NOS1: variants seen among roughly 807,000 people sequenced by gnomAD.
The protein encoded by NOS1 is nitric oxide synthase 1.
In NOS1, 51 loss-of-function variants were observed where a neutral mutation model predicts 164.5. The observed-to-expected ratio is 0.31, with a 90% CI of 0.25 to 0.39. NOS1 has a LOEUF of 0.39. Ranked by LOEUF, NOS1 falls within the 10% of genes least tolerant of loss-of-function variation. NOS1 has a pLI of 1.00. For synonymous variants in NOS1, 719 were observed against 745.8 expected (o/e 0.96, Z 0.59); for missense variants, 1,362 against 1,885.6 (o/e 0.72, Z 5.14).
chr12:117,274,534 C>T (rs759989830), intron 9 of NOS1, among the ~76,000 whole-genome samples: 26 of 151,904 alleles, frequency 1.7e-4, no homozygotes, highest in Non-Finnish European at 2.6e-4. Flanking sequence ...TTTAGGAGGC[C>T]GAGGCAGGTG....
In NOS1 at chr12:117,210,369, G is replaced by C; in HGVS notation, c.*4940C>G. The C allele has an allele frequency of 1.0e-6, 1 of 985,338 alleles. No homozygotes were observed. The highest frequency in any genetic ancestry group is 1.2e-6 in the Non-Finnish European group (1 of 829,926). 61.0% of individuals were successfully genotyped at this position (985,338 alleles called of 1,614,324 possible). On this transcript the variant is annotated 3_prime_UTR_variant, in exon 29 of 29. Transcript: ENST00000317775. ...ATGAATGGGTTATAAAGGAAGACTAGTTAGTGTTTCTCTCTCCTTGTTGCT... is the reference window on the plus strand; with the variant it reads ...ATGAATGGGTTATAAAGGAAGACTACTTAGTGTTTCTCTCTCCTTGTTGCT...
Position 117,330,889 on chromosome 12 carries a change from C to T in NOS1, c.181G>A (p.Gly61Arg). Residue 61 changes from glycine to arginine, a missense_variant, in exon 2 of 29, where the codon GGA becomes AGA. Around this residue, in one of 4 missense-constraint regions of NOS1, gnomAD observed 362 missense variants for 402.0 expected, o/e 0.90. Transcript: ENST00000317775. This position sits in a 1 kb window ranked among gnomAD's most constrained non-coding sequence, Gnocchi z 4.6. ...AAEQSGLIQA[G>R]DIILAVNGRP... ...CCGTTGACCGCAAGAATGATGTCTC[C>T]GGCCTGGATGAGGCCACTCTGCTCT... 5 of 1,614,134 alleles carry T rather than the reference C, an allele frequency of 3.1e-6. No homozygotes were observed. The highest frequency in any genetic ancestry group is 4.2e-6 in the Non-Finnish European group (5 of 1,180,008).
At chr12:117,339,989 A>T (rs1876021222) in intron 1 of NOS1, among the ~76,000 whole-genome samples, 1 of 152,154 alleles carries the variant, frequency 6.6e-6, no homozygotes, top group Non-Finnish European at 1.5e-5. Context: ...ATATTCCTTC[A>T]TATTAGATTG....
At chr12:117,291,994 A>C (rs1278568289) in intron 3 of NOS1, among the ~76,000 whole-genome samples, 1 of 152,208 alleles carries the variant, frequency 6.6e-6, no homozygotes, top group Non-Finnish European at 1.5e-5. Flanking sequence ...GGAGAAGATG[A>C]GCCAATGTTA....
At chr12:117,220,036 T>G (rs1328331147) in intron 27 of NOS1, 39 bp downstream of exon 27, 1 of 1,560,824 alleles carries the variant, frequency 6.4e-7, no homozygotes, top group Admixed American at 1.8e-5. Flanking sequence ...GGAGAGTGGA[T>G]GTAGGAAAAG....
chr12:117,268,589 A>T (rs1190780056), intron 10 of NOS1, among the ~76,000 whole-genome samples: 2 of 123,206 alleles, frequency 1.6e-5, no homozygotes, highest in South Asian at 2.6e-4. Flanking sequence ...CACTCATTCA[A>T]TTTTTTTTTT....
chr12:117,340,030 G>A (rs1157506323), intron 1 of NOS1, among the ~76,000 whole-genome samples: 1 of 151,968 alleles, frequency 6.6e-6, no homozygotes, highest in East Asian at 1.9e-4. Flanking sequence ...TTTGAGACAG[G>A]GTCTCGCTTT....
At chr12:117,239,320 C>A (rs1301729510) in intron 20 of NOS1, among the ~76,000 whole-genome samples, 2 of 152,220 alleles carry the variant, frequency 1.3e-5, no homozygotes, top group African/African-American at 4.8e-5. Context: ...TCCTGCCTTT[C>A]TAAAGCCCAC....
rs56322341 is a variant in NOS1, at chr12:117,340,873, A to ATTTTTTTTTTTTTTTTTT, written c.-420-9402_-420-9385dup. Among the ~76,000 whole-genome samples the ATTTTTTTTTTTTTTTTTT allele has an allele frequency of 6.7e-5, 7 of 104,478 alleles. 1 individual carries two copies. The highest frequency in any genetic ancestry group is 4.0e-5 in the African/African-American group (1 of 25,118). The allele number at this position is 104,478 out of a possible 152,430, so 68.5% of individuals were successfully genotyped here. A position where few individuals can be genotyped will look rare whatever the true frequency, so the allele number is the denominator to read the frequency against. On this transcript the variant is annotated intron_variant, in intron 1 of 28. Transcript: ENST00000317775. ...TGAGTAGCTGATATCACACCTGGCT[A>ATTTTTTTTTTTTTTTTTT]TTTTTTTTTTTTTTTTTTTTTTTGT...
intron 1 of NOS1, among the ~76,000 whole-genome samples, chr12:117,340,747 C>G (rs756026337): frequency 6.6e-6 from 1 of 150,896 alleles, no homozygotes; most frequent in Non-Finnish European, 1.5e-5. Context: ...TTTTTTGAGA[C>G]GTAATCTTGC....
intron 2 of NOS1, among the ~76,000 whole-genome samples, chr12:117,326,093 A>G (rs959438751): frequency 1.3e-5 from 2 of 152,162 alleles, no homozygotes; most frequent in Non-Finnish European, 2.9e-5. Flanking sequence ...GTGTTAAGAA[A>G]TGGGGGTGCT....
intron 28 of NOS1, among the ~76,000 whole-genome samples, chr12:117,217,317 G>A (rs756920136): frequency 1.3e-5 from 2 of 152,136 alleles, no homozygotes; most frequent in Admixed American, 1.3e-4. Context: ...AATGAGCAGC[G>A]TTCAAACACT....
chr12:117,342,845 G>C (rs748164535), intron 1 of NOS1, among the ~76,000 whole-genome samples: 8 of 152,100 alleles, frequency 5.3e-5, no homozygotes, highest in Non-Finnish European at 1.2e-4. Context: ...TTAAGGATCA[G>C]GTGGTGAAAG....
chr12:117,346,123 C>T (rs916820319), intron 1 of NOS1, among the ~76,000 whole-genome samples: 2 of 152,202 alleles, frequency 1.3e-5, no homozygotes, highest in African/African-American at 4.8e-5. Flanking sequence ...GAGGTGATGG[C>T]ATGGCCCATT....
rs774109441 is a variant in NOS1, at chr12:117,226,670, A to G, written c.3704+13T>C. 1 of 1,612,418 alleles carries G rather than the reference A, an allele frequency of 6.2e-7. No homozygotes were observed. ...TTGAGATGATTGCTCATTTTTCTCC[A>G]CTTATTACTCACCCTCTCACGAAAC... On this transcript the variant is annotated intron_variant, in intron 24 of 28. Coordinates refer to ENST00000317775, the MANE Select transcript of NOS1 (RefSeq NM_000620.5).
At chr12:117,271,389 T>C (rs1872779924) in intron 10 of NOS1, among the ~76,000 whole-genome samples, 1 of 151,852 alleles carries the variant, frequency 6.6e-6, no homozygotes, top group East Asian at 2.0e-4. Flanking sequence ...GCGATTCTCC[T>C]GGCTCAGCCT....
Position 117,234,295 on chromosome 12 carries a change from G to A in NOS1, c.3235+270C>T, listed in dbSNP as rs1269462723. ...AAAAGAATGGCTACTGCTAAAGTCC[G>A]TGTCTAGTCAATGAAGGAAGGTAGC... is the stretch of plus-strand genomic sequence containing the variant. On this transcript the variant is annotated intron_variant, in intron 21 of 28. Coordinates refer to ENST00000317775, the MANE Select transcript of NOS1 (RefSeq NM_000620.5). This position sits in a 1 kb window ranked among gnomAD's most constrained non-coding sequence, Gnocchi z 4.3. Among the ~76,000 whole-genome samples the A allele has an allele frequency of 1.3e-5, 2 of 152,170 alleles. No homozygotes were observed. The highest frequency in any genetic ancestry group is 6.5e-5 in the Admixed American group (1 of 15,270).
rs1231825491 is a variant in NOS1, at chr12:117,210,823, C to T, written c.*4486G>A. On this transcript the variant is annotated 3_prime_UTR_variant, in exon 29 of 29. Transcript: ENST00000317775. ...CTCCGGGCATCTGGGCATGGCTGGA[C>T]TTGGGAAGGATTCACCCTGTTGACT... 2 of 985,450 alleles carry T rather than the reference C, an allele frequency of 2.0e-6. No individual in the cohort carries two copies. Among genetic ancestry groups the T allele is most frequent in the East Asian group, 1.1e-4 (1 of 8,814 alleles). The allele number at this position is 985,450 out of a possible 1,614,324, so 61.0% of individuals were successfully genotyped here.
Position 117,225,011 on chromosome 12 carries a change from C to T in NOS1, c.3826+5G>A. ...GAACCAAGTGGCCACTGGACTGTAA[C>T]CCACCTTTGTGTTGGATATCAAATT... is the stretch of plus-strand genomic sequence containing the variant. On this transcript the variant is annotated splice_donor_5th_base_variant and intron_variant, in intron 25 of 28. Coordinates refer to ENST00000317775, the MANE Select transcript of NOS1 (RefSeq NM_000620.5). 1 of 1,614,122 alleles carries T rather than the reference C, an allele frequency of 6.2e-7. No individual in the cohort carries two copies. Among genetic ancestry groups the T allele is most frequent in the South Asian group, 1.1e-5 (1 of 91,082 alleles).
Sources: allele counts gnomAD v4.1 joint callset (sites outside exome capture counted in the v4.1 genomes callset), GRCh38; gene constraint gnomAD v4.1.1; regional missense constraint gnomAD v4.1.1; non-coding constraint Gnocchi (gnomAD v3.1); transcripts MANE v1.5; gene names NCBI Gene and HGNC (gene_info 2026-07-23, HGNC 2026-07-21).